Variants in SLC2A9 observed in about 807,000 individuals in gnomAD.
SLC2A9 encodes the protein solute carrier family 2, facilitated glucose transporter member 9.
In SLC2A9, 39 loss-of-function variants were observed where a neutral mutation model predicts 50.6. The ratio of observed to expected loss-of-function variants is 0.77; its 90% CI spans 0.60 to 1.01. SLC2A9 has a LOEUF of 1.01. SLC2A9 is among the 50% of genes least tolerant of loss of function. The probability of loss-of-function intolerance (pLI) is 0.00; values close to 1 mark genes in which losing one functional copy is unlikely to be tolerated. For missense variants in SLC2A9, 686 were observed against 677.6 expected (o/e 1.01, Z -0.14); for synonymous variants, 324 against 276.9 (o/e 1.17, Z -1.69).
At chr4:9,871,349 A>T (rs1342626839) in intron 10 of SLC2A9, among the ~76,000 whole-genome samples, 1 of 152,196 alleles carries the variant, frequency 6.6e-6, no homozygotes, top group Non-Finnish European at 1.5e-5. Context: ...TTAGGAGAAC[A>T]GAAATTTATT....
At chr4:9,849,509 T>C (rs1277017309) in intron 10 of SLC2A9, among the ~76,000 whole-genome samples, 1 of 152,222 alleles carries the variant, frequency 6.6e-6, no homozygotes, top group Non-Finnish European at 1.5e-5. Context: ...TTAGCATGTT[T>C]TGACATAGAC....
At chr4:9,908,892 C>A (rs1487578486) in intron 7 of SLC2A9, among the ~76,000 whole-genome samples, 2 of 152,106 alleles carry the variant, frequency 1.3e-5, no homozygotes, top group African/African-American at 4.8e-5. Context: ...AGGTCTGCTT[C>A]CATTTTTGTT....
chr4:9,927,030 A>ATT (rs35095818), intron 6 of SLC2A9, among the ~76,000 whole-genome samples: 6,859 of 135,776 alleles, frequency 0.051, 402 homozygotes, highest in African/African-American at 0.13. Flanking sequence ...CTGTTGTTCG[A>ATT]TTTTTTTTTT....
intron 6 of SLC2A9, among the ~76,000 whole-genome samples, chr4:9,940,162 C>T (rs1459985457): frequency 6.6e-6 from 1 of 152,192 alleles, no homozygotes; most frequent in East Asian, 1.9e-4. Context: ...AGCTGGAGGC[C>T]TCACCCTCTT....
intron 3 of SLC2A9, among the ~76,000 whole-genome samples, chr4:9,807,124 G>A (rs1223539766): frequency 6.6e-6 from 1 of 152,114 alleles, no homozygotes; most frequent in Non-Finnish European, 1.5e-5. Flanking sequence ...GGATGGAGGA[G>A]ATGCCGTGAC....
intron 5 of SLC2A9, among the ~76,000 whole-genome samples, chr4:9,975,968 C>T (rs771344618): frequency 1.3e-5 from 2 of 152,104 alleles, no homozygotes; most frequent in Non-Finnish European, 2.9e-5. Flanking sequence ...GAGCTGGAGG[C>T]CATTATCCTA....
intron 5 of SLC2A9, among the ~76,000 whole-genome samples, chr4:9,951,542 T>C (rs1016083304): frequency 6.6e-6 from 1 of 152,118 alleles, no homozygotes; most frequent in Non-Finnish European, 1.5e-5. Context: ...GTACAGATAA[T>C]AAAGAATTAT....
intron 1 of SLC2A9, among the ~76,000 whole-genome samples, chr4:9,772,564 C>T (rs536687287): frequency 6.4e-4 from 97 of 152,314 alleles, no homozygotes; most frequent in African/African-American, 1.7e-3. Flanking sequence ...AGGGAACCAC[C>T]GGCCTCTGAA....
At chr4:9,823,397 C>A (rs771637325), downstream of SLC2A9, among the ~76,000 whole-genome samples, 31 of 152,264 alleles carry the variant, frequency 2.0e-4, 1 homozygote, top group Middle Eastern at 0.024. Context: ...TCTAACTCGC[C>A]ACTCCCCATT....
chr4:9,853,577 G>GT (rs1368580869), intron 10 of SLC2A9, among the ~76,000 whole-genome samples: 1 of 152,158 alleles, frequency 6.6e-6, no homozygotes, highest in Non-Finnish European at 1.5e-5. Context: ...CCCACTGACA[G>GT]TATCAGACAG....
chr4:10,023,355 G>A (rs115885534), upstream of SLC2A9, among the ~76,000 whole-genome samples: 711 of 152,286 alleles, frequency 4.7e-3, 6 homozygotes, highest in African/African-American at 0.016. Flanking sequence ...ATGCTGTCCT[G>A]ATAGGGACTG....
In SLC2A9 at chr4:10,021,407, T is replaced by C; in HGVS notation, c.23A>G (p.Asn8Ser). The C allele has an allele frequency of 6.2e-7, 1 of 1,614,234 alleles. No individual in the cohort carries two copies. Among genetic ancestry groups the C allele is most frequent in the Non-Finnish European group, 8.5e-7 (1 of 1,180,042 alleles). The change falls in exon 1 of 12, where the codon AAT becomes AGT. Residue 8 changes from asparagine to serine, a missense_variant. Coordinates refer to ENST00000264784, the MANE Select transcript of SLC2A9 (RefSeq NM_020041.3). ...GGGAACTAGGCCCAGTTCCTTGGAA[T>C]TCCTATTTTGTTTCCTTGCCATGGG... MARKQNR[N>S]SKELGLVPLT...
chr4:9,913,359 GAGAGAGAGAGAAACAGAT>G (rs1349820202), intron 7 of SLC2A9, among the ~76,000 whole-genome samples: 2 of 149,050 alleles, frequency 1.3e-5, no homozygotes. Flanking sequence ...GAGAGAGACA[GAGAGAGAGAGAAACAGAT>G]AGAGAGAGAT....
At chr4:9,833,187 C>A (rs1339798890) in intron 11 of SLC2A9, among the ~76,000 whole-genome samples, 1 of 152,196 alleles carries the variant, frequency 6.6e-6, no homozygotes, top group East Asian at 1.9e-4. Context: ...CTGACTGCAG[C>A]CACGTGAAGG....
chr4:9,990,863 T>C (rs1280869915), intron 3 of SLC2A9, among the ~76,000 whole-genome samples: 1 of 152,192 alleles, frequency 6.6e-6, no homozygotes, highest in Non-Finnish European at 1.5e-5. Flanking sequence ...ACTAGTCAAG[T>C]CTTCTAAGGC....
intron 8 of SLC2A9, among the ~76,000 whole-genome samples, chr4:9,898,942 T>TA (rs57984687): frequency 0.25 from 38,620 of 152,158 alleles, 5,093 homozygotes; most frequent in Non-Finnish European, 0.28. Flanking sequence ...TGACAACTAC[T>TA]ATGGCCATTT....
chr4:9,912,733 C>A (rs1313854666), intron 7 of SLC2A9, among the ~76,000 whole-genome samples: 1 of 152,140 alleles, frequency 6.6e-6, no homozygotes, highest in African/African-American at 2.4e-5. Flanking sequence ...GAACAACAGC[C>A]CCCCGCTCTC....
intron 10 of SLC2A9, among the ~76,000 whole-genome samples, chr4:9,842,887 G>C (rs1478954068): frequency 2.0e-5 from 3 of 152,140 alleles, no homozygotes; most frequent in Admixed American, 6.5e-5. Context: ...TGTGCCAGTT[G>C]ATCCCAGGAA....
At chr4:9,905,798 A>C (rs1385195319) in intron 8 of SLC2A9, among the ~76,000 whole-genome samples, 2 of 152,080 alleles carry the variant, frequency 1.3e-5, no homozygotes, top group Non-Finnish European at 2.9e-5. Flanking sequence ...TGATGTGAGC[A>C]TTCATGAGGT....
Sources: allele counts gnomAD v4.1 joint callset (sites outside exome capture counted in the v4.1 genomes callset), GRCh38; gene constraint gnomAD v4.1.1; transcripts MANE v1.5; gene names NCBI Gene and HGNC (gene_info 2026-07-23, HGNC 2026-07-21).